The following IFT140 variants were observed in gnomAD, a reference collection of about 807,000 sequenced individuals.
The protein encoded by IFT140 is intraflagellar transport protein 140 homolog.
IFT140 carries 133 observed loss-of-function variants against 164.6 expected under a neutral mutation model. The observed-to-expected ratio is 0.81, with a 90% CI of 0.70 to 0.93. The LOEUF (loss-of-function observed/expected upper bound fraction) is 0.93. Among genes scored for constraint, IFT140 ranks in the 40% least tolerant of loss-of-function variants. IFT140 has a pLI of 0.00. For synonymous variants in IFT140, 860 were observed against 817.3 expected (o/e 1.05, Z -0.89); for missense variants, 2,045 against 1,972.3 (o/e 1.04, Z -0.70).
At position 1,545,823 on chromosome 16, in the gene IFT140, T is replaced by C. The variant is rs564946052; in HGVS notation, c.2399+12112A>G. Among the ~76,000 whole-genome samples, 52 of 152,338 alleles carry C rather than the reference T, an allele frequency of 3.4e-4. 1 individual carries two copies. The highest frequency in any genetic ancestry group is 1.1e-3 in the African/African-American group (47 of 41,574). On this transcript the variant is annotated intron_variant, in intron 19 of 30. Transcript: ENST00000426508. ...TGTGCTTTTGCTCTCGCTCCATGAA[T>C]GTTTCTGGGCTCAGTGCCATGCTCA...
intron 30 of IFT140, chr16:1,513,052 C>T (rs749671133): frequency 1.3e-5 from 2 of 152,148 alleles, no homozygotes; most frequent in African/African-American, 2.4e-5. Flanking sequence ...GCTCATTTCT[C>T]GATACTCAGT....
rs760574600 is a variant in IFT140, at chr16:1,588,161, G to A, written c.811-137C>T. On this transcript the variant is annotated intron_variant, in intron 7 of 30. Coordinates refer to ENST00000426508, the MANE Select transcript of IFT140 (RefSeq NM_014714.4). ...GGGGGAAACATGGGGACAAATGATA[G>A]AAACTCTGTGAGGTGGCTTTGGGTT... The A allele has an allele frequency of 1.2e-5, 8 of 650,924 alleles. No homozygotes were observed. The South Asian group carries it at 1.5e-4, about 13-fold the overall frequency. The allele number at this position is 650,924 out of a possible 1,614,324, so 40.3% of individuals were successfully genotyped here.
chr16:1,512,115 AGG>A (rs2040179215), intron 30 of IFT140, among the ~76,000 whole-genome samples: 1 of 115,318 alleles, frequency 8.7e-6, no homozygotes, highest in Non-Finnish European at 1.8e-5. Flanking sequence ...AGGGCGGGTG[AGG>A]GGTGGTGGGG....
chr16:1,550,649 C>T (rs750808815), intron 19 of IFT140, among the ~76,000 whole-genome samples: 2 of 152,162 alleles, frequency 1.3e-5, no homozygotes, highest in East Asian at 1.9e-4. Flanking sequence ...TCTGCCTACC[C>T]GCTCTGTGCT....
At chr16:1,583,725 C>A (rs1017218011) in intron 11 of IFT140, among the ~76,000 whole-genome samples, 2 of 150,504 alleles carry the variant, frequency 1.3e-5, no homozygotes, top group African/African-American at 2.4e-5. Flanking sequence ...GGGTACATGG[C>A]AGGTGTATAT....
rs564268147 is a variant in IFT140 at position 1,520,409 on chromosome 16, G to A, written c.3661-66C>T. 42 of 1,533,350 alleles carry A rather than the reference G, an allele frequency of 2.7e-5. 1 individual carries two copies. Among genetic ancestry groups the A allele is most frequent in the South Asian group, 1.3e-4 (12 of 89,064 alleles). The allele number at this position is 1,533,350 out of a possible 1,614,324, so 95.0% of individuals were successfully genotyped here. A position where few individuals can be genotyped will look rare whatever the true frequency, so the allele number is the denominator to read the frequency against. On this transcript the variant is annotated intron_variant, in intron 27 of 30. Transcript: ENST00000426508. ...GGCCGGGACAAGCACAAGGGACCCC[G>A]AGCAGGAGCTCTCACAAGAAGAGTG... is the stretch of plus-strand genomic sequence containing the variant.
rs771030841 is a variant in IFT140 at position 1,583,318 on chromosome 16, A to T, written c.1428T>A (p.Ser476Arg). 7.5e-5 allele frequency: 121 copies of T among 1,613,794 alleles called. No individual in the cohort carries two copies. The highest frequency in any genetic ancestry group is 9.8e-5 in the Non-Finnish European group (116 of 1,179,916). Reference protein sequence around the residue: ...IFELSGAAIRSAGTFLCETPV... With the variant: ...IFELSGAAIRRAGTFLCETPV... ...GTCCGGGTGAAAAGAACCCACCTGCACTCCGTATCGCGGCTCCAGAAAGCT... is the reference window on the plus strand; with the variant it reads ...GTCCGGGTGAAAAGAACCCACCTGCTCTCCGTATCGCGGCTCCAGAAAGCT... The change falls in exon 12 of 31, where the codon AGT (serine) becomes AGA (arginine). Residue 476 changes from serine (S) to arginine (R), a missense_variant. Ser to Arg is a moderately radical substitution (Grantham distance 110, BLOSUM62 -1). Coordinates refer to ENST00000426508, the MANE Select transcript of IFT140 (RefSeq NM_014714.4).
rs550489351 is a variant in IFT140, at chr16:1,551,631, C to G, written c.2399+6304G>C. Among the ~76,000 whole-genome samples, 1 of 152,238 alleles carries G rather than the reference C, an allele frequency of 6.6e-6. No individual in the cohort carries two copies. Among genetic ancestry groups the G allele is most frequent in the East Asian group, 1.9e-4 (1 of 5,204 alleles). Reference sequence around the variant, plus strand: ...CGGCACTGCTGCAGACACCTTGAAACGTCCAGCACATTCCTCACTGTCGAA... The same window carrying G: ...CGGCACTGCTGCAGACACCTTGAAAGGTCCAGCACATTCCTCACTGTCGAA... On this transcript the variant is annotated intron_variant, in intron 19 of 30. Coordinates refer to ENST00000426508, the MANE Select transcript of IFT140 (RefSeq NM_014714.4). The surrounding 1 kb of genome is among the most constrained non-coding windows in gnomAD (Gnocchi z 4.0).
At chr16:1,586,310 TA>T (rs544798316) in intron 9 of IFT140, 35 bp from the exon 10 acceptor site, 2 of 1,581,968 alleles carry the variant, frequency 1.3e-6, no homozygotes, top group East Asian at 2.2e-5. Context: ...TGAACAGAGT[TA>T]AAAAAAGGGA....
chr16:1,609,805 T>C (rs900099836), intron 2 of IFT140, among the ~76,000 whole-genome samples: 3 of 152,230 alleles, frequency 2.0e-5, no homozygotes, highest in African/African-American at 7.2e-5. Context: ...AAAATAGTTA[T>C]GTACTTGATG....
chr16:1,578,708 C>T (rs776108619), intron 13 of IFT140, among the ~76,000 whole-genome samples: 1 of 152,082 alleles, frequency 6.6e-6, no homozygotes, highest in Non-Finnish European at 1.5e-5. Context: ...GGTGAAACCC[C>T]GTCTCTACTA....
chr16:1,542,057 C>T (rs370706274), intron 19 of IFT140: 52 of 1,608,754 alleles, frequency 3.2e-5, no homozygotes, highest in Admixed American at 5.0e-5. Context: ...AGGCCATGGC[C>T]GCTGCATTCC....
At chr16:1,576,016 T>G (rs2034256069) in intron 13 of IFT140, among the ~76,000 whole-genome samples, 1 of 152,198 alleles carries the variant, frequency 6.6e-6, no homozygotes, top group South Asian at 2.1e-4. Flanking sequence ...CCAGGCGCAG[T>G]GGCTCACACC....
intron 14 of IFT140, among the ~76,000 whole-genome samples, chr16:1,569,283 C>T (rs889365615): frequency 1.1e-4 from 17 of 152,338 alleles, no homozygotes; most frequent in Middle Eastern, 3.4e-3. Context: ...GTTGGGATTA[C>T]AGGCGTGAGC....
At chr16:1,526,191 G>C (rs1250562944) in intron 20 of IFT140, 114 bp from the exon 21 acceptor site, 1 of 1,009,012 alleles carries the variant, frequency 9.9e-7, no homozygotes, top group Admixed American at 2.3e-5. Context: ...CAAGCACACT[G>C]ACACACGGGG....
At position 1,519,871 on chromosome 16, in the gene IFT140, G is replaced by C; in HGVS notation, c.4040+10C>G. On this transcript the variant is annotated intron_variant, in intron 29 of 30. Transcript: ENST00000426508. ...GCCCTGGCCTGTCCCCGCTGGCCCC[G>C]GGGGCACACCTGCGGGCCTGGATGA... 6.6e-7 allele frequency: 1 copy of C among 1,522,404 alleles called. No individual in the cohort carries two copies. The highest frequency in any genetic ancestry group is 8.8e-7 in the Non-Finnish European group (1 of 1,137,518). The allele number at this position is 1,522,404 out of a possible 1,614,324, so 94.3% of individuals were successfully genotyped here. A position where few individuals can be genotyped will look rare whatever the true frequency, so the allele number is the denominator to read the frequency against.
In IFT140 at chr16:1,518,322, T is replaced by C. The variant is rs907401737; in HGVS notation, c.4076A>G (p.Gln1359Arg). ...YTEDPKESIK[Q>R]CELLLEEPDL... ...TGGTTCCTCCAGGAGCAGCTCACAC[T>C]GCTTGATGGACTCCTTGGGGTCCTC... Residue 1359 changes from glutamine (Q) to arginine (R), a missense_variant, in exon 30 of 31, where the codon CAG becomes CGG. Coordinates refer to ENST00000426508, the MANE Select transcript of IFT140 (RefSeq NM_014714.4). 4 of 1,613,942 alleles carry C rather than the reference T, an allele frequency of 2.5e-6. No homozygotes were observed. The African/African-American group carries it at 5.3e-5, about 22-fold the overall frequency.
chr16:1,569,043 T>G lies in IFT140; in HGVS notation c.1653-709A>C, dbSNP rs577338656. Among the ~76,000 whole-genome samples, 333 of 150,944 alleles carry G rather than the reference T, an allele frequency of 2.2e-3. 1 individual carries two copies. Among genetic ancestry groups the G allele is most frequent in the African/African-American group, 7.8e-3 (322 of 41,096 alleles). ...TTTTTGAGACGGAGTCTCGCCCTGT[T>G]GCCCAGGCTGGAGTGCAGTGGCGCC... On this transcript the variant is annotated intron_variant, in intron 14 of 30. Coordinates refer to ENST00000426508, the MANE Select transcript of IFT140 (RefSeq NM_014714.4).
At chr16:1,589,261 G>T (rs746183616) in intron 7 of IFT140, among the ~76,000 whole-genome samples, 2 of 152,164 alleles carry the variant, frequency 1.3e-5, no homozygotes, top group African/African-American at 2.4e-5. Context: ...TCGCCTGCCC[G>T]CTGAGTTCTG....
Sources: allele counts gnomAD v4.1 joint callset (sites outside exome capture counted in the v4.1 genomes callset), GRCh38; gene constraint gnomAD v4.1.1; non-coding constraint Gnocchi (gnomAD v3.1); transcripts MANE v1.5; gene names NCBI Gene and HGNC (gene_info 2026-07-23, HGNC 2026-07-21).